Variants in DNAH8 observed in about 807,000 individuals in gnomAD.
DNAH8 encodes axonemal beta dynein heavy chain 8.
Under a neutral mutation model 562.1 loss-of-function variants are expected in DNAH8, and 382 were observed. The ratio of observed to expected loss-of-function variants is 0.68; its 90% CI spans 0.63 to 0.74. DNAH8 has a LOEUF of 0.74. Among genes scored for constraint, DNAH8 ranks in the 30% least tolerant of loss-of-function variants. The probability of loss-of-function intolerance (pLI) is 0.00; values close to 1 mark genes in which losing one functional copy is unlikely to be tolerated. For synonymous variants in DNAH8, 1,881 were observed against 1,919.4 expected, an observed-to-expected ratio of 0.98 and a Z score of 0.52; for missense variants, 5,203 against 5,620.4, an observed-to-expected ratio of 0.93 and a Z score of 2.37.
rs1765995971 is a variant in DNAH8 at position 39,008,990 on chromosome 6, C to T, written c.13371+20C>T. The T allele has an allele frequency of 1.9e-6, 3 of 1,560,870 alleles. No homozygotes were observed. In the African/African-American group the frequency reaches 4.1e-5, roughly 21 times the overall value. On this transcript the variant is annotated intron_variant, in intron 89 of 92. Transcript: ENST00000327475. ...CATGAGGTAAGTCTTGCTGGTTTCC[C>T]ACTGGCATACAGGGCTATTTGTATA...
chr6:38,814,846 C>T (rs1190274967), intron 25 of DNAH8, among the ~76,000 whole-genome samples: 2 of 152,146 alleles, frequency 1.3e-5, no homozygotes, highest in African/African-American at 4.8e-5. Context: ...TCTGAATCAC[C>T]CGTGTCTTCC....
At chr6:38,725,903 A>G (rs1378323945) in intron 3 of DNAH8, among the ~76,000 whole-genome samples, 1 of 152,202 alleles carries the variant, frequency 6.6e-6, no homozygotes, top group East Asian at 1.9e-4. Context: ...GCCATTCACA[A>G]GTTGGGTTTG....
intron 74 of DNAH8, chr6:38,928,056 C>T (rs1446505755): frequency 6.6e-6 from 1 of 152,212 alleles, no homozygotes; most frequent in East Asian, 1.9e-4. Flanking sequence ...CCAAGGCTAC[C>T]TTCAATGCCA....
At chr6:38,823,105 A>G (rs945236456) in intron 27 of DNAH8, 71 bp downstream of exon 27, 1 of 1,357,260 alleles carries the variant, frequency 7.4e-7, no homozygotes, top group African/African-American at 1.5e-5. Flanking sequence ...GACCAGGAAA[A>G]TATCAGGGAT....
chr6:38,807,982 T>G (rs1373001141), intron 24 of DNAH8, among the ~76,000 whole-genome samples: 1 of 152,096 alleles, frequency 6.6e-6, no homozygotes, highest in Non-Finnish European at 1.5e-5. Flanking sequence ...ATCCTGAACT[T>G]GGTGTTTATC....
chr6:38,956,817 G>A (rs1175104999), intron 82 of DNAH8, among the ~76,000 whole-genome samples: 4 of 152,156 alleles, frequency 2.6e-5, no homozygotes, highest in Non-Finnish European at 4.4e-5. Context: ...CATACTACTA[G>A]AGAAAATCAC....
At chr6:38,843,399 G>T (rs1775008074) in intron 35 of DNAH8, among the ~76,000 whole-genome samples, 1 of 148,702 alleles carries the variant, frequency 6.7e-6, no homozygotes. Context: ...TAGATTCTTA[G>T]ATCTACAGTC....
At chr6:38,931,208 A>G (rs1782528666) in intron 75 of DNAH8, 1 of 152,178 alleles carries the variant, frequency 6.6e-6, no homozygotes, top group Non-Finnish European at 1.5e-5. Context: ...TCATTTAAAA[A>G]TTCTATGATT....
chr6:38,982,956 T>C (rs1432468746), intron 86 of DNAH8, among the ~76,000 whole-genome samples: 3 of 152,240 alleles, frequency 2.0e-5, no homozygotes, highest in Non-Finnish European at 4.4e-5. Flanking sequence ...CTCACTTTTA[T>C]CTTCACAACC....
intron 87 of DNAH8, among the ~76,000 whole-genome samples, chr6:38,988,837 G>A (rs1238251983): frequency 2.0e-5 from 3 of 152,200 alleles, no homozygotes; most frequent in Non-Finnish European, 4.4e-5. Flanking sequence ...CATCCACCTG[G>A]ATGTTTTTTG....
chr6:38,951,174 C>T (rs866021344), intron 81 of DNAH8, 144 bp from the exon 82 acceptor site: 22 of 706,898 alleles, frequency 3.1e-5, no homozygotes, highest in Admixed American at 2.9e-4. Flanking sequence ...GATAGGAAAC[C>T]TTGCCATTCC....
intron 88 of DNAH8, among the ~76,000 whole-genome samples, chr6:38,991,920 C>T (rs1764818093): frequency 6.6e-6 from 1 of 152,152 alleles, no homozygotes; most frequent in Non-Finnish European, 1.5e-5. Flanking sequence ...ACCTTGTCCT[C>T]CTGACCTGCT....
chr6:38,805,466 G>A lies in DNAH8; in HGVS notation c.3035-15G>A, dbSNP rs779326611. The stretch of plus-strand genomic sequence containing the variant: ...AAGTCAAATGTTATATTTTTGTTTT[G>A]TCTTTTGTCTATAGAACAGCGGAAA... On this transcript the variant is annotated splice_polypyrimidine_tract_variant and intron_variant, in intron 22 of 92. Transcript: ENST00000327475. 4.6e-6 allele frequency: 7 copies of A among 1,521,754 alleles called. No individual in the cohort carries two copies. The highest frequency in any genetic ancestry group is 5.5e-6 in the Non-Finnish European group (6 of 1,097,204). The allele number at this position is 1,521,754 out of a possible 1,614,324, so 94.3% of individuals were successfully genotyped here. A position where few individuals can be genotyped will look rare whatever the true frequency, so the allele number is the denominator to read the frequency against.
chr6:38,747,902 T>C (rs2654444), intron 8 of DNAH8, among the ~76,000 whole-genome samples: 98,469 of 152,142 alleles, frequency 0.65, 32,765 homozygotes, highest in Middle Eastern at 0.71. Flanking sequence ...TATTCTGCAA[T>C]CAACTTTTAC....
intron 61 of DNAH8, among the ~76,000 whole-genome samples, chr6:38,899,452 T>C (rs914587242): frequency 6.6e-6 from 1 of 152,224 alleles, no homozygotes; most frequent in African/African-American, 2.4e-5. Context: ...GAAGAGCAGC[T>C]CCACTATCCA....
chr6:38,968,400 A>G (rs1335673159), intron 82 of DNAH8, among the ~76,000 whole-genome samples: 1 of 152,188 alleles, frequency 6.6e-6, no homozygotes, highest in African/African-American at 2.4e-5. Context: ...TTAAGGGTCT[A>G]GTATCCAGAA....
At chr6:38,975,620 A>G (rs1763617012) in intron 85 of DNAH8, among the ~76,000 whole-genome samples, 1 of 152,186 alleles carries the variant, frequency 6.6e-6, no homozygotes. Flanking sequence ...AACACTGAGA[A>G]AGTTAAAATC....
chr6:38,905,792 A>C (rs1780413727), intron 62 of DNAH8, among the ~76,000 whole-genome samples: 1 of 152,202 alleles, frequency 6.6e-6, no homozygotes, highest in South Asian at 2.1e-4. Flanking sequence ...GTTTTCTAGC[A>C]GGCACCATTA....
rs754448491 is a variant in DNAH8 at position 38,848,663 on chromosome 6, T to A, written c.5061T>A (p.Phe1687Leu). Reference sequence around the variant, plus strand: ...TACCTTTTAGATACAATGCTCCATTTAAAAAAAATATCCAGAATTGGGTGT... The same window carrying A: ...TACCTTTTAGATACAATGCTCCATTAAAAAAAAATATCCAGAATTGGGTGT... ...SLLSNRYNAP[F>L]KKNIQNWVYK... is the part of the protein sequence containing the mutation. The change falls in exon 37 of 93, where the codon TTT becomes TTA. Residue 1687 changes from phenylalanine to leucine, a missense_variant. Physicochemically the swap from Phe to Leu is conservative, Grantham distance 22. This residue lies in a region of DNAH8 where 2,176 missense variants were observed against 2,365.1 expected (regional missense o/e 0.92). Transcript: ENST00000327475. 3.6e-5 allele frequency: 58 copies of A among 1,607,678 alleles called. No individual in the cohort carries two copies. In the South Asian group the frequency reaches 5.1e-4, roughly 14 times the overall value.
Sources: allele counts gnomAD v4.1 joint callset (sites outside exome capture counted in the v4.1 genomes callset), GRCh38; gene constraint gnomAD v4.1.1; regional missense constraint gnomAD v4.1.1; transcripts MANE v1.5; gene names NCBI Gene and HGNC (gene_info 2026-07-23, HGNC 2026-07-21).